The following GRPR variants were observed in gnomAD, a reference collection of about 807,000 sequenced individuals.
GRPR encodes gastrin-releasing peptide receptor.
In GRPR, 4 loss-of-function variants were observed where a neutral mutation model predicts 15.6. The ratio of observed to expected loss-of-function variants is 0.26; its 90% confidence interval spans 0.13 to 0.59. The LOEUF (loss-of-function observed/expected upper bound fraction) is 0.59. Among genes scored for constraint, GRPR ranks in the 20% least tolerant of loss-of-function variants. GRPR has a pLI of 0.90. For synonymous variants in GRPR, 128 were observed against 126.8 expected, an observed-to-expected ratio of 1.01 and a Z score of -0.06; for missense variants, 270 against 304.1, an observed-to-expected ratio of 0.89 and a Z score of 0.83.
At chrX:16,148,977 T>C (rs1194621016) in intron 1 of GRPR, among the ~76,000 whole-genome samples, 1 of 112,039 alleles carries the variant, frequency 8.9e-6, no homozygotes, top group Non-Finnish European at 1.9e-5. Flanking sequence ...GCTGTGGTCA[T>C]GTTCTTTTGG....
chrX:16,149,645 CAAAAAAA>C (rs575381418), intron 1 of GRPR, among the ~76,000 whole-genome samples: 7 of 61,270 alleles, frequency 1.1e-4, no homozygotes, highest in Non-Finnish European at 2.1e-4. Context: ...AAGGTTTTGC[CAAAAAAA>C]AAAAAAAAAA....
Position 16,152,756 on chromosome X carries a change from G to T in GRPR, c.*111G>T. ...TCCAAAGAGCCTTCAGAATGCTCCT[G>T]AGTGGTGTAGGTGGGGGTGGGGAGG... is the stretch of plus-strand genomic sequence containing the variant. On this transcript the variant is annotated 3_prime_UTR_variant, in exon 3 of 3. Coordinates refer to ENST00000380289, the MANE Select transcript of GRPR (RefSeq NM_005314.3). 1.5e-6 allele frequency: 1 copy of T among 665,943 alleles called. No homozygotes were observed. The highest frequency in any genetic ancestry group is 2.5e-6 in the Non-Finnish European group (1 of 406,654). 54.9% of individuals were successfully genotyped at this position (665,943 alleles called of 1,213,427 possible).
intron 2 of GRPR, 40 bp from the exon 3 acceptor site, chrX:16,152,216 C>T (rs1405862544): frequency 8.9e-7 from 1 of 1,126,374 alleles, no homozygotes; most frequent in Middle Eastern, 2.4e-4. Flanking sequence ...GACACTGTCC[C>T]TTGGTTCCTC....
At chrX:16,148,313 A>G (rs768758121) in intron 1 of GRPR, among the ~76,000 whole-genome samples, 1 of 111,766 alleles carries the variant, frequency 8.9e-6, no homozygotes, top group African/African-American at 3.3e-5. Context: ...CTTATCTTCT[A>G]TATTACACTT....
At chrX:16,126,802 T>A (rs569358969) in intron 1 of GRPR, among the ~76,000 whole-genome samples, 5 of 112,562 alleles carry the variant, frequency 4.4e-5, no homozygotes, top group African/African-American at 1.6e-4. Context: ...GTGTGTGGTG[T>A]TCCATTGTAT....
chrX:16,137,288 T>C (rs1456385031), intron 1 of GRPR, among the ~76,000 whole-genome samples: 5 of 112,106 alleles, frequency 4.5e-5, no homozygotes, highest in African/African-American at 1.6e-4. Flanking sequence ...AGAATCAAGC[T>C]GAAGTCTTTA....
chrX:16,143,299 A>G (rs1356045456), intron 1 of GRPR, among the ~76,000 whole-genome samples: 1 of 111,574 alleles, frequency 9.0e-6, no homozygotes, highest in East Asian at 2.8e-4. Context: ...CCCCTCTCCA[A>G]CACTTTACCT....
chrX:16,143,430 G>A lies in GRPR; in HGVS notation c.414-6875G>A, dbSNP rs186368329. Among the ~76,000 whole-genome samples the A allele has an allele frequency of 4.4e-5, 5 of 112,957 alleles. No homozygotes were observed. The East Asian group carries it at 1.1e-3, about 25-fold the overall frequency. ...GTGCTCACGCACAAATTAAAGCAAT[G>A]AAGAAAAGGAGCCAAAAGATGGAGG... On this transcript the variant is annotated intron_variant, in intron 1 of 2. Transcript: ENST00000380289.
In GRPR at chrX:16,152,799, C is replaced by A; in HGVS notation, c.*154C>A. On this transcript the variant is annotated 3_prime_UTR_variant, in exon 3 of 3. Coordinates refer to ENST00000380289, the MANE Select transcript of GRPR (RefSeq NM_005314.3). ...TGGGGAGGCCCAAATGATGGATCAC[C>A]ATTATATTTTGAAAGAAGCCATCAA... 1 of 494,930 alleles carries A rather than the reference C, an allele frequency of 2.0e-6. No individual in the cohort carries two copies. The allele number at this position is 494,930 out of a possible 1,213,427, so 40.8% of individuals were successfully genotyped here.
chrX:16,153,495 T>C lies in GRPR; in HGVS notation c.*850T>C, dbSNP rs1426293298. ...GGAAAAAAAAAATCATGCTATTAAT[T>C]AATCAAATATCTATAAATGCATAAA... On this transcript the variant is annotated 3_prime_UTR_variant, in exon 3 of 3. Coordinates refer to ENST00000380289, the MANE Select transcript of GRPR (RefSeq NM_005314.3). 2 of 111,526 alleles carry C rather than the reference T, an allele frequency of 1.8e-5. No individual in the cohort carries two copies. The highest frequency in any genetic ancestry group is 3.8e-5 in the Non-Finnish European group (2 of 53,203). The allele number at this position is 111,526 out of a possible 1,213,427, so 9.2% of individuals were successfully genotyped here.
chrX:16,133,387 A>G (rs1181745143), intron 1 of GRPR, among the ~76,000 whole-genome samples: 1 of 111,738 alleles, frequency 8.9e-6, no homozygotes, highest in Non-Finnish European at 1.9e-5. Flanking sequence ...TTAAAAACCT[A>G]CATTATTTTT....
intron 1 of GRPR, among the ~76,000 whole-genome samples, chrX:16,136,593 G>A (rs1187604538): frequency 8.9e-6 from 1 of 112,186 alleles, no homozygotes; most frequent in Non-Finnish European, 1.9e-5. Flanking sequence ...AGACGGTGCT[G>A]TGTGAGATGG....
intron 1 of GRPR, among the ~76,000 whole-genome samples, chrX:16,132,838 A>G (rs1357482934): frequency 1.8e-5 from 2 of 112,083 alleles, no homozygotes; most frequent in African/African-American, 6.5e-5. Context: ...TTAAATACTT[A>G]TTCAATTGAT....
intron 1 of GRPR, among the ~76,000 whole-genome samples, chrX:16,137,437 G>A (rs993919014): frequency 2.7e-5 from 3 of 112,055 alleles, no homozygotes; most frequent in Non-Finnish European, 5.6e-5. Flanking sequence ...GCAGGGCCTG[G>A]TAAATTGTTT....
At chrX:16,152,225 T>C (rs1282023571) in intron 2 of GRPR, 31 bp from the exon 3 acceptor site, 1 of 1,163,333 alleles carries the variant, frequency 8.6e-7, no homozygotes, top group South Asian at 1.8e-5. Context: ...CCTTGGTTCC[T>C]CTGTCTCTCT....
chrX:16,139,290 A>C (rs1429600107), intron 1 of GRPR, among the ~76,000 whole-genome samples: 1 of 94,605 alleles, frequency 1.1e-5, no homozygotes, highest in Admixed American at 1.0e-4. Context: ...TTGTCGTAGA[A>C]GTTGACTTTC....
intron 1 of GRPR, among the ~76,000 whole-genome samples, chrX:16,136,654 C>G (rs763609247): frequency 6.3e-5 from 7 of 111,808 alleles, no homozygotes; most frequent in African/African-American, 9.8e-5. Flanking sequence ...TTGGTGTGGA[C>G]AGGCAGAGAA....
chrX:16,141,236 T>A (rs993723394), intron 1 of GRPR, among the ~76,000 whole-genome samples: 7 of 112,183 alleles, frequency 6.2e-5, no homozygotes, highest in African/African-American at 2.3e-4. Context: ...AGGATTAGCA[T>A]TGAGCTTTGA....
Position 16,152,761 on chromosome X carries a change from G to T in GRPR, c.*116G>T. ...AGAGCCTTCAGAATGCTCCTGAGTG[G>T]TGTAGGTGGGGGTGGGGAGGCCCAA... On this transcript the variant is annotated 3_prime_UTR_variant, in exon 3 of 3. Coordinates refer to ENST00000380289, the MANE Select transcript of GRPR (RefSeq NM_005314.3). 2 of 617,488 alleles carry T rather than the reference G, an allele frequency of 3.2e-6. No homozygotes were observed. Among genetic ancestry groups the T allele is most frequent in the Non-Finnish European group, 5.5e-6 (2 of 366,311 alleles). The allele number at this position is 617,488 out of a possible 1,213,427, so 50.9% of individuals were successfully genotyped here.
Sources: allele counts gnomAD v4.1 joint callset (sites outside exome capture counted in the v4.1 genomes callset), GRCh38; gene constraint gnomAD v4.1.1; transcripts MANE v1.5; gene names NCBI Gene and HGNC (gene_info 2026-07-23, HGNC 2026-07-21).